TTN: variants seen among roughly 807,000 people sequenced by gnomAD.
TTN encodes the protein titin.
Under a neutral mutation model 3,223.0 loss-of-function variants are expected in TTN, and 1,525 were observed. The observed-to-expected ratio is 0.47, with a 90% CI of 0.45 to 0.49. The LOEUF (loss-of-function observed/expected upper bound fraction) is 0.49. Among genes scored for constraint, TTN ranks in the 20% least tolerant of loss-of-function variants. The pLI is 0.00. For synonymous variants in TTN, 14,094 were observed against 15,161.0 expected (o/e 0.93, Z 5.17); for missense variants, 40,786 against 43,424.0 (o/e 0.94, Z 5.40).
At position 178,722,859 on chromosome 2, in the gene TTN, G is replaced by C. The variant is rs1359754877; in HGVS notation, c.22040C>G (p.Ala7347Gly). Residue 7347 changes from alanine to glycine, a missense_variant, in exon 76 of 363, where the codon GCT (alanine) becomes GGT (glycine). Physicochemically the swap from Ala to Gly is moderately conservative, Grantham distance 60 (BLOSUM62 0). Transcript: ENST00000589042. ...GDSVSLQCQV[A>G]GTPEITVSWY... Reference sequence around the variant, plus strand: ...AGACACTGTAATTTCTGGTGTCCCAGCAACTTGGCATTGTAAAGAAACCGA... The same window carrying C: ...AGACACTGTAATTTCTGGTGTCCCACCAACTTGGCATTGTAAAGAAACCGA... The C allele has an allele frequency of 7.4e-6, 12 of 1,613,096 alleles. No homozygotes were observed. Among genetic ancestry groups the C allele is most frequent in the Non-Finnish European group, 1.0e-5 (12 of 1,179,478 alleles).
Position 178,559,329 on chromosome 2 carries a change from CCTTT to C in TTN, c.86799_86802del (p.Gly28936Ter), listed in dbSNP as rs727504856. On this transcript the variant is annotated frameshift_variant, in exon 326 of 363. Transcript: ENST00000589042. LOFTEE classifies it high-confidence loss of function. ...AACATACCTGTTATTTTTACTCCTTCCTTTGTTTCAGCTGGTATACCAACACCAA... is the reference window on the plus strand; with the variant it reads ...AACATACCTGTTATTTTTACTCCTTCGTTTCAGCTGGTATACCAACACCAA... The C allele has an allele frequency of 6.3e-7, 1 of 1,593,250 alleles. No homozygotes were observed. The highest frequency in any genetic ancestry group is 8.6e-7 in the Non-Finnish European group (1 of 1,169,586).
chr2:178,676,037 A>G, intron 147 of TTN, 42 bp from the exon 148 acceptor site: 1 of 1,546,526 alleles, frequency 6.5e-7, no homozygotes, highest in South Asian at 1.2e-5. Context: ...ATTTTGAAGG[A>G]CAAAAAAAGA....
At position 178,534,536 on chromosome 2, in the gene TTN, TA is replaced by T. The variant is rs1174763065; in HGVS notation, c.102078del (p.Asn34026LysfsTer3). On this transcript the variant is annotated frameshift_variant, in exon 358 of 363. Transcript: ENST00000589042. LOFTEE classifies it high-confidence loss of function. ...LAETNQQIIE[N>X]IMNAEYTFDE... ...TCGAAAGTATATTCAGCATTCATGA[TA>T]TTCTCAATGATCTGTTGGTTAGTTT... 1 of 1,613,892 alleles carries T rather than the reference TA, an allele frequency of 6.2e-7. No individual in the cohort carries two copies. The highest frequency in any genetic ancestry group is 2.2e-5 in the East Asian group (1 of 44,888).
chr2:178,576,078 T>C lies in TTN; in HGVS notation c.70054A>G (p.Arg23352Gly), dbSNP rs755983483. The C allele has an allele frequency of 1.2e-6, 2 of 1,613,530 alleles. No homozygotes were observed. The highest frequency in any genetic ancestry group is 1.7e-6 in the Non-Finnish European group (2 of 1,179,598). ...AGTCCTGCTCTAACAACAAGTGTTC[T>C]TCGAAGCTCGGCATCTAGTTCAAAA... Reference protein sequence around the residue: ...PDFELDAELRRTLVVRAGLSI... With the variant: ...PDFELDAELRGTLVVRAGLSI... Residue 23352 changes from arginine to glycine, a missense_variant, in exon 326 of 363, where the codon AGA becomes GGA. Coordinates refer to ENST00000589042, the MANE Select transcript of TTN (RefSeq NM_001267550.2). This position sits in a 1 kb window ranked among gnomAD's most constrained non-coding sequence, Gnocchi z 4.3.
intron 307 of TTN, 85 bp from the exon 308 acceptor site, chr2:178,586,892 A>C (rs973259916): frequency 2.6e-5 from 40 of 1,523,722 alleles, no homozygotes; most frequent in Non-Finnish European, 3.4e-5. Flanking sequence ...TTTAGTATGG[A>C]TTTGCTCCAA....
Position 178,618,265 on chromosome 2 carries a change from A to G in TTN, c.47193T>C (p.Arg15731=). ...LQKGGVEYLF[R]VSARNRVGTG... ...TGCCAACTCTGTTTCTTGCACTCAC[A>G]CGGAATAGGTACTCAACTCCTCCTT... The change falls in exon 252 of 363, where the codon CGT becomes CGC. Residue 15731 remains arginine (R), a synonymous_variant. Transcript: ENST00000589042. 1 of 1,612,838 alleles carries G rather than the reference A, an allele frequency of 6.2e-7. No individual in the cohort carries two copies. The highest frequency in any genetic ancestry group is 1.7e-5 in the Admixed American group (1 of 59,932).
rs192881996 is a variant in TTN at position 178,600,821 on chromosome 2, G to A, written c.56050+33C>T. 46 of 1,611,484 alleles carry A rather than the reference G, an allele frequency of 2.9e-5. No homozygotes were observed. In the Admixed American group the frequency reaches 4.8e-4, roughly 17 times the overall value. ...GAACACCTAGGAAGGCAGCTGTAAG[G>A]AGGACATTCTTTGTCAGTACATTGG... On this transcript the variant is annotated intron_variant, in intron 288 of 362. Coordinates refer to ENST00000589042, the MANE Select transcript of TTN (RefSeq NM_001267550.2).
At chr2:178,703,975 T>A (rs1258809645) in intron 106 of TTN, among the ~76,000 whole-genome samples, 172 bp downstream of exon 106, 1 of 152,220 alleles carries the variant, frequency 6.6e-6, no homozygotes, top group Non-Finnish European at 1.5e-5. Flanking sequence ...TTTGAATATT[T>A]CCCTTGTGCT....
chr2:178,614,509 A>G lies in TTN; in HGVS notation c.49005T>C (p.Asn16335=), dbSNP rs1576461628. The G allele has an allele frequency of 6.2e-7, 1 of 1,611,650 alleles. No homozygotes were observed. The highest frequency in any genetic ancestry group is 1.1e-5 in the South Asian group (1 of 90,830). ...CCACAGCAGTGGCCCGGCCACACAC[A>G]TTCACAGCCTCAATGATATATGTGC... ...DTGTYIIEAV[N]VCGRATAVVE... Residue 16335 remains asparagine, a synonymous_variant, in exon 261 of 363, where the codon AAT becomes AAC. Transcript: ENST00000589042.
chr2:178,531,051 G>T lies in TTN; in HGVS notation c.105564C>A (p.Ile35188=). 6.2e-7 allele frequency: 1 copy of T among 1,613,972 alleles called. No homozygotes were observed. Among genetic ancestry groups the T allele is most frequent in the South Asian group, 1.1e-5 (1 of 91,078 alleles). The change falls in exon 358 of 363, where the codon ATC becomes ATA. Residue 35188 remains isoleucine (I), a synonymous_variant. Coordinates refer to ENST00000589042, the MANE Select transcript of TTN (RefSeq NM_001267550.2). ...TTTKYKSTFE[I]SSVQASDEGN... ...CCTCATCGGAAGCCTGGACTGAAGA[G>T]ATCTCAAAGGTTGATTTGTACTTTG...
rs1278062337 is a variant in TTN, at chr2:178,671,914, C to G, written c.35227+57G>C. On this transcript the variant is annotated intron_variant, in intron 155 of 362. Transcript: ENST00000589042. ...CCAAACTGAACACAAAATTTACTTT[C>G]AAAGGAAAGTTAGAGCAAGATATAA... The G allele has an allele frequency of 2.6e-6, 4 of 1,551,586 alleles. No homozygotes were observed. The East Asian group carries it at 6.8e-5, about 27-fold the overall frequency.
chr2:178,538,792 C>G lies in TTN; in HGVS notation c.99037G>C (p.Asp33013His), dbSNP rs1342105550. The G allele has an allele frequency of 6.2e-7, 1 of 1,612,586 alleles. No individual in the cohort carries two copies. Reference sequence around the variant, plus strand: ...TTCTCCCACTGTAGAGTGACACTATCTTTGGATATTGAAAGAATCTCAAGT... The same window carrying G: ...TTCTCCCACTGTAGAGTGACACTATGTTTGGATATTGAAAGAATCTCAAGT... Reference protein sequence around the residue: ...GELEILSISKDSVTLQWEKPE... With the variant: ...GELEILSISKHSVTLQWEKPE... The change falls in exon 354 of 363, where the codon GAT (aspartate) becomes CAT (histidine). Residue 33013 changes from aspartate (D) to histidine (H), a missense_variant. Physicochemically the swap from Asp to His is moderately conservative, Grantham distance 81. Transcript: ENST00000589042.
In TTN at chr2:178,667,685, T is replaced by G; in HGVS notation, c.35582A>C (p.Lys11861Thr). 1 of 1,597,192 alleles carries G rather than the reference T, an allele frequency of 6.3e-7. No individual in the cohort carries two copies. Among genetic ancestry groups the G allele is most frequent in the Non-Finnish European group, 8.5e-7 (1 of 1,179,118 alleles). ...CTTTTGAGGTTGAGTCACAAGTACT[T>G]TTTCTTCTAGGACTGCTTCTTCAGA... ...EASEEAVLEE[K>T]VLVTQPQKTK... The change falls in exon 160 of 363, where the codon AAA (lysine) becomes ACA (threonine). Residue 11861 changes from lysine (K) to threonine (T), a missense_variant. By Grantham distance (78) the Lys-to-Thr change is moderately conservative. Coordinates refer to ENST00000589042, the MANE Select transcript of TTN (RefSeq NM_001267550.2).
At chr2:178,777,371 A>AAGTT (rs1228910394) in intron 26 of TTN, 49 bp downstream of exon 26, 1 of 1,612,642 alleles carries the variant, frequency 6.2e-7, no homozygotes, top group Admixed American at 1.7e-5. Context: ...ACCTGTTTAT[A>AAGTT]ACCCAAGTGA....
rs2154191014 is a variant in TTN, at chr2:178,599,067, GA to G, written c.56648-6del. 6.5e-7 allele frequency: 1 copy of G among 1,531,058 alleles called. No homozygotes were observed. Among genetic ancestry groups the G allele is most frequent in the African/African-American group, 1.4e-5 (1 of 71,450 alleles). 94.8% of individuals were successfully genotyped at this position (1,531,058 alleles called of 1,614,324 possible). A position where few individuals can be genotyped will look rare whatever the true frequency, so the allele number is the denominator to read the frequency against. On this transcript the variant is annotated splice_polypyrimidine_tract_variant and splice_region_variant and intron_variant, in intron 290 of 362. Transcript: ENST00000589042. ...TATCTGGTGCTCCAGGGACAGCTGT[GA>G]AAAAGATCATATTGATTATAAGAAA...
At chr2:178,804,698 G>T in intron 1 of TTN, 43 bp from the exon 2 acceptor site, 1 of 1,579,090 alleles carries the variant, frequency 6.3e-7, no homozygotes, top group Non-Finnish European at 8.7e-7. Context: ...CCAGCTAAGG[G>T]TCACTCTGGA....
chr2:178,620,063 A>T lies in TTN; in HGVS notation c.46354T>A (p.Cys15452Ser), dbSNP rs2058039119. ...GSIHRLIIKD[C>S]RLDDECEYAC... ...TATTCACACTCATCATCCAGCCTGC[A>T]ATCTTTTATAATGAGTCTGTGTATA... Residue 15452 changes from cysteine (C) to serine (S), a missense_variant, in exon 249 of 363, where the codon TGC becomes AGC. Cys to Ser is a moderately radical substitution (Grantham distance 112). Transcript: ENST00000589042. The T allele has an allele frequency of 6.2e-7, 1 of 1,611,816 alleles. No individual in the cohort carries two copies. Among genetic ancestry groups the T allele is most frequent in the African/African-American group, 1.3e-5 (1 of 74,774 alleles).
At chr2:178,647,320 A>G (rs2062171159) in intron 214 of TTN, 61 bp downstream of exon 214, 4 of 1,518,866 alleles carry the variant, frequency 2.6e-6, no homozygotes, top group East Asian at 2.5e-5. Context: ...TTCATCTACA[A>G]TCAAAGCAAG....
Position 178,593,875 on chromosome 2 carries a change from A to G in TTN, c.58433-8T>C. On this transcript the variant is annotated splice_region_variant and splice_polypyrimidine_tract_variant and intron_variant, in intron 297 of 362. Transcript: ENST00000589042. ...CTGGTGGTCCAGGACGGTCTGCAGA[A>G]AAAAAAAATCATGGCACAAAATGTT... is the stretch of plus-strand genomic sequence containing the variant. 1 of 1,606,476 alleles carries G rather than the reference A, an allele frequency of 6.2e-7. No homozygotes were observed. Among genetic ancestry groups the G allele is most frequent in the Non-Finnish European group, 8.5e-7 (1 of 1,177,836 alleles).
Sources: gnomAD v4.1 joint callset for allele counts (sites outside exome capture counted in the v4.1 genomes callset) on GRCh38, gnomAD v4.1.1 for gene constraint, Gnocchi (gnomAD v3.1) non-coding constraint, MANE v1.5 for transcripts, NCBI Gene and HGNC (gene_info 2026-07-23, HGNC 2026-07-21) for gene names.